SLC16A10: variants seen among roughly 807,000 people sequenced by gnomAD.
SLC16A10 encodes monocarboxylate transporter 10.
In SLC16A10, 27 loss-of-function variants were observed where a neutral mutation model predicts 40.0. The observed-to-expected ratio is 0.67, with a 90% CI of 0.50 to 0.93. The LOEUF is 0.93. SLC16A10 is among the 40% of genes least tolerant of loss of function. The pLI is 0.00. For synonymous variants in SLC16A10, 213 were observed against 249.8 expected (o/e 0.85, Z 1.39); for missense variants, 529 against 658.2 (o/e 0.80, Z 2.15).
At chr6:111,116,229 G>GT (rs1437692695) in intron 1 of SLC16A10, among the ~76,000 whole-genome samples, 1 of 149,714 alleles carries the variant, frequency 6.7e-6, no homozygotes, top group African/African-American at 2.5e-5. Context: ...TTTTTTTTTT[G>GT]TTTTTTGAGA....
chr6:111,216,337 T>C (rs1235325904), intron 4 of SLC16A10, among the ~76,000 whole-genome samples: 6 of 152,202 alleles, frequency 3.9e-5, no homozygotes, highest in Non-Finnish European at 8.8e-5. Flanking sequence ...AATGGGGAGA[T>C]TTTGTTCTTT....
rs1462234390 is a variant in SLC16A10 at position 111,229,688 on chromosome 6, T to C, written c.*7453T>C. The C allele has an allele frequency of 1.3e-5, 2 of 152,236 alleles. No individual in the cohort carries two copies. The highest frequency in any genetic ancestry group is 2.9e-5 in the Non-Finnish European group (2 of 68,032). The allele number at this position is 152,236 out of a possible 1,614,324, so 9.4% of individuals were successfully genotyped here. Reference sequence around the variant, plus strand: ...ATCACTGAAAGTATCATTGTTTGTCTTTCAGATTTAACATAAACAATAAGT... The same window carrying C: ...ATCACTGAAAGTATCATTGTTTGTCCTTCAGATTTAACATAAACAATAAGT... On this transcript the variant is annotated 3_prime_UTR_variant, in exon 6 of 6. Coordinates refer to ENST00000368851, the MANE Select transcript of SLC16A10 (RefSeq NM_018593.5).
intron 1 of SLC16A10, among the ~76,000 whole-genome samples, chr6:111,163,108 A>C (rs1256190490): frequency 6.6e-6 from 1 of 151,492 alleles, no homozygotes; most frequent in African/African-American, 2.4e-5. Context: ...TGACAAAGAA[A>C]TTTGGTTATT....
At chr6:111,118,761 G>C (rs1023949899) in intron 1 of SLC16A10, among the ~76,000 whole-genome samples, 2 of 151,572 alleles carry the variant, frequency 1.3e-5, no homozygotes, top group Non-Finnish European at 2.9e-5. Flanking sequence ...AGCTGTGAAG[G>C]ACTCAAAGCA....
intron 1 of SLC16A10, among the ~76,000 whole-genome samples, chr6:111,089,384 C>G (rs1487908587): frequency 9.2e-5 from 14 of 152,160 alleles, no homozygotes; most frequent in Admixed American, 9.2e-4. Context: ...AGGTGGTTTG[C>G]ATTGTTTGAC....
chr6:111,145,197 A>G (rs1460583954), intron 1 of SLC16A10, among the ~76,000 whole-genome samples: 2 of 151,694 alleles, frequency 1.3e-5, no homozygotes, highest in Non-Finnish European at 2.9e-5. Flanking sequence ...CTGTAATCCC[A>G]GCATAAGACC....
intron 1 of SLC16A10, among the ~76,000 whole-genome samples, chr6:111,109,314 A>G (rs1406345519): frequency 2.0e-5 from 3 of 152,290 alleles, no homozygotes; most frequent in Non-Finnish European, 2.9e-5. Flanking sequence ...TTTTATATGA[A>G]TGGAATCATA....
At chr6:111,162,711 T>A (rs1345464553) in intron 1 of SLC16A10, among the ~76,000 whole-genome samples, 3 of 152,198 alleles carry the variant, frequency 2.0e-5, no homozygotes, top group Non-Finnish European at 2.9e-5. Flanking sequence ...ATAAATGTGC[T>A]CCAAATTTTG....
chr6:111,112,207 A>ATTTTT (rs1023819874), intron 1 of SLC16A10, among the ~76,000 whole-genome samples: 1 of 150,010 alleles, frequency 6.7e-6, no homozygotes, highest in Admixed American at 6.7e-5. Context: ...TTAAAAAAAA[A>ATTTTT]TTTTTTTTTT....
At chr6:111,117,284 G>A (rs991844096) in intron 1 of SLC16A10, among the ~76,000 whole-genome samples, 22 of 151,220 alleles carry the variant, frequency 1.5e-4, no homozygotes, top group Middle Eastern at 3.2e-3. Flanking sequence ...CCCGGGAGGC[G>A]GAGGTTGCAG....
In SLC16A10 at chr6:111,148,197, TATTC is replaced by T. The variant is rs577804180; in HGVS notation, c.344-24495_344-24492del. Among the ~76,000 whole-genome samples, 184 of 152,318 alleles carry T rather than the reference TATTC, an allele frequency of 1.2e-3. 1 individual carries two copies. The highest frequency in any genetic ancestry group is 4.2e-3 in the African/African-American group (174 of 41,564). ...CCTAAGCTATTTTTTCTCTCTCAGT[TATTC>T]ATCATCTATCTCAATTTTTCCTAAT... On this transcript the variant is annotated intron_variant, in intron 1 of 5. Coordinates refer to ENST00000368851, the MANE Select transcript of SLC16A10 (RefSeq NM_018593.5).
chr6:111,184,656 A>T (rs1461911214), intron 3 of SLC16A10, among the ~76,000 whole-genome samples: 1 of 151,718 alleles, frequency 6.6e-6, no homozygotes, highest in Non-Finnish European at 1.5e-5. Flanking sequence ...TAATTTTTGT[A>T]TTTTTGGTAG....
Position 111,218,878 on chromosome 6 carries a change from C to A in SLC16A10, c.1151C>A (p.Ala384Asp). Reference sequence around the variant, plus strand: ...ATTCCTCTGTGTAGCATCTTTGGGGCCCTCATTGCTGTGTGCCTCATCATG... The same window carrying A: ...ATTCCTCTGTGTAGCATCTTTGGGGACCTCATTGCTGTGTGCCTCATCATG... ...MMIPLCSIFG[A>D]LIAVCLIMGL... The change falls in exon 5 of 6, where the codon GCC becomes GAC. Residue 384 changes from alanine (A) to aspartate (D), a missense_variant. By Grantham distance (126) the Ala-to-Asp change is moderately radical. Coordinates refer to ENST00000368851, the MANE Select transcript of SLC16A10 (RefSeq NM_018593.5). 6.2e-7 allele frequency: 1 copy of A among 1,614,034 alleles called. No individual in the cohort carries two copies. Among genetic ancestry groups the A allele is most frequent in the South Asian group, 1.1e-5 (1 of 91,076 alleles).
intron 3 of SLC16A10, among the ~76,000 whole-genome samples, chr6:111,200,968 A>G (rs552205215): frequency 6.6e-6 from 1 of 152,356 alleles, no homozygotes; most frequent in Admixed American, 6.5e-5. Flanking sequence ...TCCGTATTGG[A>G]AAGCAGGAAG....
intron 4 of SLC16A10, among the ~76,000 whole-genome samples, chr6:111,217,809 C>G (rs1770794448): frequency 6.6e-6 from 1 of 152,086 alleles, no homozygotes; most frequent in Non-Finnish European, 1.5e-5. Flanking sequence ...TTGACTGTTT[C>G]CTCCTTTTTT....
At chr6:111,132,628 G>A (rs953552111) in intron 1 of SLC16A10, among the ~76,000 whole-genome samples, 7 of 152,210 alleles carry the variant, frequency 4.6e-5, no homozygotes, top group African/African-American at 1.2e-4. Flanking sequence ...TTACTAACTC[G>A]AAAATCTTAA....
chr6:111,148,695 G>A (rs915909697), intron 1 of SLC16A10, among the ~76,000 whole-genome samples: 3 of 152,340 alleles, frequency 2.0e-5, no homozygotes, highest in Non-Finnish European at 2.9e-5. Flanking sequence ...GTGTAACAGT[G>A]AACAATGTAT....
At chr6:111,198,222 G>A (rs1280163378) in intron 3 of SLC16A10, among the ~76,000 whole-genome samples, 2 of 152,120 alleles carry the variant, frequency 1.3e-5, no homozygotes, top group African/African-American at 4.8e-5. Flanking sequence ...GTGGGCAGAG[G>A]TTGCAGTGAA....
intron 1 of SLC16A10, among the ~76,000 whole-genome samples, chr6:111,158,822 A>C (rs1280298749): frequency 2.0e-5 from 3 of 152,154 alleles, no homozygotes; most frequent in Non-Finnish European, 4.4e-5. Context: ...ACAGTGGCTC[A>C]TGCCTGTAAT....
Sources: allele counts gnomAD v4.1 joint callset (sites outside exome capture counted in the v4.1 genomes callset), GRCh38; gene constraint gnomAD v4.1.1; transcripts MANE v1.5; gene names NCBI Gene and HGNC (gene_info 2026-07-23, HGNC 2026-07-21).